USP28: variants seen among roughly 807,000 people sequenced by gnomAD.
USP28 encodes the protein ubiquitin carboxyl-terminal hydrolase 28.
In USP28, 113 loss-of-function variants were observed where a neutral mutation model predicts 145.0. The ratio of observed to expected loss-of-function variants is 0.78; its 90% CI spans 0.67 to 0.91. The LOEUF (loss-of-function observed/expected upper bound fraction) is 0.91, where lower values mean the gene tolerates loss of function less well. Ranked by LOEUF, USP28 falls within the 40% of genes least tolerant of loss-of-function variation. The pLI, the probability that USP28 is intolerant of heterozygous loss-of-function variation, is 0.00. For synonymous variants in USP28, 447 were observed against 450.9 expected (o/e 0.99, Z 0.11); for missense variants, 1,201 against 1,289.6 (o/e 0.93, Z 1.05).
At chr11:113,824,942 A>G in intron 11 of USP28, among the ~76,000 whole-genome samples, 1 of 150,802 alleles carries the variant, frequency 6.6e-6, no homozygotes, top group Non-Finnish European at 1.5e-5. Context: ...AAAAAAAAAA[A>G]AAAAAAAAGA....
chr11:113,830,296 T>C (rs368318268), intron 9 of USP28, among the ~76,000 whole-genome samples: 1 of 152,132 alleles, frequency 6.6e-6, no homozygotes, highest in East Asian at 1.9e-4. Flanking sequence ...GTCATATTGG[T>C]ATTGGGTTAT....
At chr11:113,807,265 G>A (rs1253866540) in intron 18 of USP28, among the ~76,000 whole-genome samples, 1 of 152,024 alleles carries the variant, frequency 6.6e-6, no homozygotes, top group Non-Finnish European at 1.5e-5. Context: ...TAGAGACAGG[G>A]GTTTCACCAT....
rs753377615 is a variant in USP28, at chr11:113,852,637, T to A, written c.136-4A>T. ...GAGTAATGTCACCATTACTGGCCTATGGGAGAAAAAGACAATAGAAATTTC... is the reference window on the plus strand; with the variant it reads ...GAGTAATGTCACCATTACTGGCCTAAGGGAGAAAAAGACAATAGAAATTTC... On this transcript the variant is annotated splice_region_variant and splice_polypyrimidine_tract_variant and intron_variant, in intron 2 of 24. Coordinates refer to ENST00000003302, the Ensembl canonical transcript of USP28. 1 of 1,611,756 alleles carries A rather than the reference T, an allele frequency of 6.2e-7. No individual in the cohort carries two copies. Among genetic ancestry groups the A allele is most frequent in the East Asian group, 2.2e-5 (1 of 44,864 alleles).
At chr11:113,856,126 G>A (rs868138120) in intron 1 of USP28, among the ~76,000 whole-genome samples, 2 of 152,072 alleles carry the variant, frequency 1.3e-5, no homozygotes, top group Admixed American at 6.5e-5. Context: ...AACTAAAATC[G>A]CAAGCATGTA....
At chr11:113,843,038 C>G (rs1381905281) in intron 3 of USP28, among the ~76,000 whole-genome samples, 1 of 152,074 alleles carries the variant, frequency 6.6e-6, no homozygotes. Flanking sequence ...TGAGACCAAC[C>G]TGGCCAACAT....
chr11:113,818,427 G>A (rs2135560671), intron 12 of USP28, among the ~76,000 whole-genome samples: 1 of 152,120 alleles, frequency 6.6e-6, no homozygotes, highest in East Asian at 1.9e-4. Context: ...CTGGGATTAA[G>A]GGCCACCGCG....
At chr11:113,863,639 G>A (rs1210717236) in intron 1 of USP28, among the ~76,000 whole-genome samples, 1 of 90,874 alleles carries the variant, frequency 1.1e-5, no homozygotes, top group Non-Finnish European at 2.4e-5. Flanking sequence ...GTGAGACCCT[G>A]TCTCAAAAAA....
At chr11:113,852,554 G>A in exon 3 of USP28, 1 of 1,614,166 alleles carries the variant, frequency 6.2e-7, no homozygotes, top group Non-Finnish European at 8.5e-7. Flanking sequence ...TGGTTCTGTA[G>A]CAACAGTGTC....
At position 113,855,064 on chromosome 11, in the gene USP28, T is replaced by A. The variant is rs564272741; in HGVS notation, c.58-729A>T. On this transcript the variant is annotated intron_variant, in intron 1 of 24. Transcript: ENST00000003302. ...CACTGACAATAAGTTTCCAATCATG[T>A]AATTAACCAATGATAACACCAACAT... is the stretch of plus-strand genomic sequence containing the variant. 1.6e-3 allele frequency among the ~76,000 whole-genome samples: 242 copies of A among 152,282 alleles called. 4 individuals are homozygous for A. Among genetic ancestry groups the A allele is most frequent in the Admixed American group, 0.013 (198 of 15,276 alleles).
chr11:113,865,303 C>T (rs1948146567), intron 1 of USP28, among the ~76,000 whole-genome samples: 1 of 152,188 alleles, frequency 6.6e-6, no homozygotes, highest in Admixed American at 6.6e-5. Context: ...TCTAAAAGAG[C>T]TGCAATGCTT....
intron 1 of USP28, among the ~76,000 whole-genome samples, chr11:113,861,384 T>C (rs940898549): frequency 3.3e-5 from 5 of 152,210 alleles, no homozygotes; most frequent in African/African-American, 1.2e-4. Context: ...ATAATTTTTG[T>C]GAATGATGCA....
At chr11:113,865,333 A>T (rs1327826756) in intron 1 of USP28, among the ~76,000 whole-genome samples, 1 of 152,246 alleles carries the variant, frequency 6.6e-6, no homozygotes, top group Non-Finnish European at 1.5e-5. Flanking sequence ...TTGCAGAAAC[A>T]GAAAAGCTGA....
chr11:113,826,028 T>C lies in USP28; in HGVS notation c.1187+1205A>G, dbSNP rs200352986. On this transcript the variant is annotated intron_variant, in intron 11 of 24. Transcript: ENST00000003302. ...TAAAAGAAGCCATGGCTCACGCCTA[T>C]AATCCCAGCACTTTGGGAGGCAGAG... is the stretch of plus-strand genomic sequence containing the variant. Among the ~76,000 whole-genome samples, 3 of 152,246 alleles carry C rather than the reference T, an allele frequency of 2.0e-5. No homozygotes were observed. In the East Asian group the frequency reaches 5.8e-4, roughly 30 times the overall value.
rs1940935172 is a variant in USP28, at chr11:113,811,228, C to A, written c.1972+1048G>T. On this transcript the variant is annotated intron_variant, in intron 16 of 24. Coordinates refer to ENST00000003302, the Ensembl canonical transcript of USP28. ...TTATCCAGCTGGAAAATGAAGATGA[C>A]AACATTTTCAAACTCTTTCCCTCCT... is the stretch of plus-strand genomic sequence containing the variant. Among the ~76,000 whole-genome samples, 3 of 151,898 alleles carry A rather than the reference C, an allele frequency of 2.0e-5. No individual in the cohort carries two copies. In the South Asian group the frequency reaches 6.2e-4, roughly 32 times the overall value.
chr11:113,811,219 T>C (rs1053540287), intron 16 of USP28, among the ~76,000 whole-genome samples: 5 of 152,050 alleles, frequency 3.3e-5, no homozygotes, highest in African/African-American at 1.2e-4. Flanking sequence ...AGCTGGAAAA[T>C]GAAGATGACA....
intron 18 of USP28, chr11:113,808,040 C>G (rs1050640512): frequency 7.7e-7 from 1 of 1,298,670 alleles, no homozygotes; most frequent in Middle Eastern, 2.1e-4. Flanking sequence ...TTAGGCTGGG[C>G]AGTAGACTCT....
intron 1 of USP28, 109 bp downstream of exon 1, chr11:113,875,336 C>T: frequency 1.0e-6 from 1 of 955,124 alleles, no homozygotes; most frequent in Non-Finnish European, 1.3e-6. Flanking sequence ...CTGTCCCGCC[C>T]GGCCGGGGCG....
chr11:113,814,006 G>A (rs1331207707), intron 14 of USP28, 51 bp from the exon 15 acceptor site: 1 of 1,380,486 alleles, frequency 7.2e-7, no homozygotes, highest in East Asian at 2.3e-5. Flanking sequence ...CTCATTCTAT[G>A]TCACACAGGC....
chr11:113,852,178 A>G (rs1476744170), intron 3 of USP28, among the ~76,000 whole-genome samples: 1 of 152,062 alleles, frequency 6.6e-6, no homozygotes, highest in East Asian at 1.9e-4. Flanking sequence ...ACAGGTGCCC[A>G]CCACCACACC....
Sources: allele counts gnomAD v4.1 joint callset (sites outside exome capture counted in the v4.1 genomes callset), GRCh38; gene constraint gnomAD v4.1.1; transcripts MANE v1.5; gene names NCBI Gene and HGNC (gene_info 2026-07-23, HGNC 2026-07-21).